Variants in DCAF1 observed in about 807,000 individuals in gnomAD.
The protein encoded by DCAF1 is DDB1- and CUL4-associated factor 1.
DCAF1 carries 15 observed loss-of-function variants against 128.0 expected under a neutral mutation model. The observed-to-expected ratio is 0.12, with a 90% CI of 0.08 to 0.18. DCAF1 has a LOEUF of 0.18. Among genes scored for constraint, DCAF1 ranks in the 10% least tolerant of loss-of-function variants. The pLI is 1.00. For missense variants in DCAF1, 988 were observed against 1,649.5 expected (o/e 0.60, Z 6.95); for synonymous variants, 610 against 603.0 (o/e 1.01, Z -0.17).
intron 6 of DCAF1, among the ~76,000 whole-genome samples, chr3:51,450,945 C>T (rs1553641344): frequency 1.3e-5 from 2 of 151,780 alleles, no homozygotes; most frequent in African/African-American, 4.8e-5. Context: ...ACCCTAAAGA[C>T]TCCATACACA....
intron 6 of DCAF1, among the ~76,000 whole-genome samples, chr3:51,455,581 C>G (rs1702807360): frequency 6.6e-6 from 1 of 151,746 alleles, no homozygotes; most frequent in Non-Finnish European, 1.5e-5. Context: ...TTCACTCTAG[C>G]CTGGGCAACA....
intron 9 of DCAF1, among the ~76,000 whole-genome samples, chr3:51,435,702 ACT>A (rs1700759500): frequency 9.8e-6 from 1 of 101,652 alleles, no homozygotes; most frequent in Non-Finnish European, 2.0e-5. Context: ...CAAGAGCGAA[ACT>A]CTGTCTCAAA....
chr3:51,471,290 T>C (rs1704715989), intron 3 of DCAF1, among the ~76,000 whole-genome samples: 1 of 151,414 alleles, frequency 6.6e-6, no homozygotes, highest in East Asian at 2.0e-4. Context: ...TTCATGCCAT[T>C]CTCCTGCCTC....
chr3:51,467,490 G>A (rs1175269916), intron 4 of DCAF1, among the ~76,000 whole-genome samples: 1 of 151,916 alleles, frequency 6.6e-6, no homozygotes, highest in African/African-American at 2.4e-5. Context: ...CACACACCGG[G>A]GACTGTTGTG....
Position 51,422,406 on chromosome 3 carries a change from C to G in DCAF1, c.1873G>C (p.Asp625His). Reference sequence around the variant, plus strand: ...ACCACAGTAAGAATAGCCAGGACATCCAAAGCAAAGCGCACAGTGTCATTC... The same window carrying G: ...ACCACAGTAAGAATAGCCAGGACATGCAAAGCAAAGCGCACAGTGTCATTC... ...ARNDTVRFAL[D>H]VLAILTVVPK... Residue 625 changes from aspartate (D) to histidine (H), a missense_variant, in exon 14 of 25, where the codon GAT becomes CAT. Asp to His is a moderately conservative substitution (Grantham distance 81). Coordinates refer to ENST00000684031, the MANE Select transcript of DCAF1 (RefSeq NM_001387579.1). 1 of 729,282 alleles carries G rather than the reference C, an allele frequency of 1.4e-6. No homozygotes were observed. The highest frequency in any genetic ancestry group is 2.6e-6 in the Non-Finnish European group (1 of 391,146). 45.2% of individuals were successfully genotyped at this position (729,282 alleles called of 1,614,324 possible).
intron 19 of DCAF1, 135 bp from the exon 20 acceptor site, chr3:51,414,178 C>A: frequency 8.3e-7 from 1 of 1,198,886 alleles, no homozygotes; most frequent in Non-Finnish European, 1.1e-6. Flanking sequence ...CAAGGTAAAA[C>A]AAATACATGT....
At chr3:51,490,757 T>A (rs1421527988) in intron 2 of DCAF1, among the ~76,000 whole-genome samples, 6 of 151,124 alleles carry the variant, frequency 4.0e-5, no homozygotes, top group Admixed American at 4.0e-4. Flanking sequence ...AAACCCCATC[T>A]CTACTAAAAA....
chr3:51,461,977 G>A (rs1553644693), intron 6 of DCAF1, among the ~76,000 whole-genome samples: 1 of 151,598 alleles, frequency 6.6e-6, no homozygotes, highest in East Asian at 1.9e-4. Flanking sequence ...TCGAGTTAAT[G>A]GGTGCAGCAC....
chr3:51,400,827 G>C (rs1165915443), intron 24 of DCAF1, among the ~76,000 whole-genome samples: 1 of 151,930 alleles, frequency 6.6e-6, no homozygotes, highest in Non-Finnish European at 1.5e-5. Flanking sequence ...CTGACAAGCA[G>C]AGACACATAA....
chr3:51,404,444 T>A (rs1393361372), intron 23 of DCAF1, among the ~76,000 whole-genome samples: 49 of 152,240 alleles, frequency 3.2e-4, no homozygotes, highest in Non-Finnish European at 5.9e-5. Flanking sequence ...TGGTTACATC[T>A]TTTTTCATTT....
intron 6 of DCAF1, among the ~76,000 whole-genome samples, chr3:51,450,332 A>T (rs1553641214): frequency 6.6e-6 from 1 of 152,200 alleles, no homozygotes; most frequent in African/African-American, 2.4e-5. Flanking sequence ...CTATAGACCA[A>T]TATATCACTC....
intron 2 of DCAF1, among the ~76,000 whole-genome samples, chr3:51,491,738 G>A (rs1456345042): frequency 2.7e-5 from 4 of 150,554 alleles, no homozygotes; most frequent in African/African-American, 1.0e-4. Context: ...CAGCTACTCA[G>A]GGGGGCTGAG....
intron 4 of DCAF1, 58 bp from the exon 5 acceptor site, chr3:51,466,934 C>CAACTTAG: frequency 6.6e-7 from 1 of 1,521,840 alleles, no homozygotes; most frequent in Non-Finnish European, 9.1e-7. Context: ...CCCAGTCAAG[C>CAACTTAG]AACTTAGACC....
intron 23 of DCAF1, among the ~76,000 whole-genome samples, chr3:51,406,746 G>T (rs2090143640): frequency 6.6e-6 from 1 of 152,064 alleles, no homozygotes; most frequent in South Asian, 2.1e-4. Flanking sequence ...TCCTGCTCTG[G>T]ATCTCAACCA....
chr3:51,503,297 T>C (rs1272079422), upstream of DCAF1, among the ~76,000 whole-genome samples: 21 of 152,070 alleles, frequency 1.4e-4, no homozygotes, highest in Non-Finnish European at 1.5e-5. Flanking sequence ...CTCTACCTAC[T>C]CCCACCTCCA....
intron 7 of DCAF1, 130 bp from the exon 8 acceptor site, chr3:51,442,027 T>A: frequency 8.0e-7 from 1 of 1,243,942 alleles, no homozygotes; most frequent in Non-Finnish European, 1.1e-6. Context: ...TAGCAACAAT[T>A]TGATAAATGC....
At chr3:51,474,720 A>C (rs1705218622) in intron 3 of DCAF1, among the ~76,000 whole-genome samples, 1 of 151,456 alleles carries the variant, frequency 6.6e-6, no homozygotes, top group Non-Finnish European at 1.5e-5. Flanking sequence ...TTCTGAGCTC[A>C]AACAATCCTC....
chr3:51,441,801 C>G lies in DCAF1; in HGVS notation c.610G>C (p.Glu204Gln), dbSNP rs1293390185. Reference protein sequence around the residue: ...KRPSPRKLSSEPLLPLDEEAV... With the variant: ...KRPSPRKLSSQPLLPLDEEAV... ...TCCTCATCCAGAGGCAAAAGGGGTT[C>G]AGAAGAGAGCTTCCGTGGACTGGGA... The change falls in exon 8 of 25, where the codon GAA (glutamate) becomes CAA (glutamine). Residue 204 changes from glutamate to glutamine, a missense_variant. Coordinates refer to ENST00000684031, the MANE Select transcript of DCAF1 (RefSeq NM_001387579.1). 5 of 1,613,910 alleles carry G rather than the reference C, an allele frequency of 3.1e-6. No homozygotes were observed. The African/African-American group carries it at 4.0e-5, about 13-fold the overall frequency.
intron 9 of DCAF1, among the ~76,000 whole-genome samples, chr3:51,433,629 T>C (rs1386207951): frequency 6.6e-6 from 1 of 151,326 alleles, no homozygotes; most frequent in African/African-American, 2.4e-5. Context: ...GTCCAGCTAA[T>C]TTTTGTATTT....
Sources: gnomAD v4.1 joint callset for allele counts (sites outside exome capture counted in the v4.1 genomes callset) on GRCh38, gnomAD v4.1.1 for gene constraint, MANE v1.5 for transcripts, NCBI Gene and HGNC (gene_info 2026-07-23, HGNC 2026-07-21) for gene names.